The following TG variants were observed in gnomAD, a reference collection of about 807,000 sequenced individuals.
The protein encoded by TG is thyroglobulin, also known as thyroid hormones.
A neutral mutation model predicts 324.7 loss-of-function variants in TG; 270 were observed. The observed-to-expected ratio is 0.83, with a 90% CI of 0.75 to 0.92. The LOEUF is 0.92. TG is among the 40% of genes least tolerant of loss of function. The pLI, the probability that TG is intolerant of heterozygous loss-of-function variation, is 0.00. For missense variants in TG, 3,591 were observed against 3,456.4 expected (o/e 1.04, Z -0.98); for synonymous variants, 1,401 against 1,327.0 (o/e 1.06, Z -1.21).
At chr8:133,075,137 A>G in intron 41 of TG, 1 of 985,288 alleles carries the variant, frequency 1.0e-6, no homozygotes. Flanking sequence ...AGGACTGGGA[A>G]GATAGATGGG....
chr8:133,021,979 C>T lies in TG; in HGVS notation c.6877-12C>T, dbSNP rs1835608522. ...CCCACACTTTAGCCTCATGTTTCTC[C>T]AATACCCACAGGCCCCTAACGCGTC... is the stretch of plus-strand genomic sequence containing the variant. On this transcript the variant is annotated splice_polypyrimidine_tract_variant and intron_variant, in intron 39 of 47. Transcript: ENST00000220616. 1.2e-6 allele frequency: 2 copies of T among 1,614,012 alleles called. No homozygotes were observed. The highest frequency in any genetic ancestry group is 1.3e-5 in the African/African-American group (1 of 74,922).
chr8:132,942,914 CAGAG>C (rs1318888120), intron 26 of TG, among the ~76,000 whole-genome samples: 1 of 152,128 alleles, frequency 6.6e-6, no homozygotes, highest in Non-Finnish European at 1.5e-5. Context: ...GAGCTAGAGA[CAGAG>C]AGACCCCAGG....
intron 41 of TG, chr8:133,038,265 C>T: frequency 1.9e-6 from 1 of 518,006 alleles, no homozygotes; most frequent in South Asian, 2.1e-5. Context: ...TACATACATG[C>T]TGGGCTCTTC....
At chr8:133,042,345 T>C (rs969226929) in intron 41 of TG, among the ~76,000 whole-genome samples, 9 of 152,168 alleles carry the variant, frequency 5.9e-5, no homozygotes, top group African/African-American at 2.2e-4. Context: ...CAGCTCTATA[T>C]TGAAGGGTTC....
intron 41 of TG, among the ~76,000 whole-genome samples, chr8:133,062,353 C>T (rs1842484870): frequency 6.6e-6 from 1 of 152,240 alleles, no homozygotes; most frequent in African/African-American, 2.4e-5. Flanking sequence ...TGTCTCCATT[C>T]CTGAGCCTGG....
At chr8:133,073,676 A>C (rs59056866) in intron 41 of TG, among the ~76,000 whole-genome samples, 5,744 of 152,276 alleles carry the variant, frequency 0.038, 268 homozygotes, top group African/African-American at 0.11. Flanking sequence ...AGCAAACCAC[A>C]CAATGACAAT....
At chr8:133,012,624 A>G (rs1834620644) in intron 36 of TG, among the ~76,000 whole-genome samples, 1 of 152,232 alleles carries the variant, frequency 6.6e-6, no homozygotes, top group South Asian at 2.1e-4. Flanking sequence ...ATCAGATAAC[A>G]TTTATACCCT....
chr8:132,986,366 T>C (rs567102255), intron 35 of TG, among the ~76,000 whole-genome samples: 5 of 100,026 alleles, frequency 5.0e-5, no homozygotes, highest in East Asian at 2.0e-4. Context: ...TATGTGTATA[T>C]ATAGTATATA....
intron 35 of TG, among the ~76,000 whole-genome samples, chr8:133,005,628 A>G (rs1587740950): frequency 6.6e-6 from 1 of 152,326 alleles, no homozygotes; most frequent in East Asian, 1.9e-4. Context: ...GGCTCAGAGA[A>G]GGGGAGTGGC....
Position 132,897,645 on chromosome 8 carries a change from C to G in TG, c.3002-4C>G. 1 of 1,614,200 alleles carries G rather than the reference C, an allele frequency of 6.2e-7. No individual in the cohort carries two copies. Among genetic ancestry groups the G allele is most frequent in the Non-Finnish European group, 8.5e-7 (1 of 1,180,042 alleles). ...ATTCTGCTTTTCTCCTTCCCTGACT[C>G]CAGCCTTAAGCTTCTATCAGAGACG... On this transcript the variant is annotated splice_region_variant and splice_polypyrimidine_tract_variant and intron_variant, in intron 11 of 47. Transcript: ENST00000220616.
chr8:132,999,071 G>A (rs1833175990), intron 35 of TG, among the ~76,000 whole-genome samples: 1 of 152,140 alleles, frequency 6.6e-6, no homozygotes, highest in Non-Finnish European at 1.5e-5. Flanking sequence ...AGTGAAGGAG[G>A]GGACATTACA....
intron 41 of TG, among the ~76,000 whole-genome samples, chr8:133,040,985 C>T (rs1587842362): frequency 6.6e-6 from 1 of 152,232 alleles, no homozygotes; most frequent in South Asian, 2.1e-4. Context: ...TTTCCAGGCA[C>T]ATTACGATGT....
chr8:132,889,838 G>A (rs1815975885), intron 10 of TG, among the ~76,000 whole-genome samples: 1 of 152,156 alleles, frequency 6.6e-6, no homozygotes, highest in Non-Finnish European at 1.5e-5. Context: ...GTGCAATGGA[G>A]CGATCTCAGC....
rs1185859579 is a variant in TG at position 132,887,164 on chromosome 8, G to A, written c.1792G>A (p.Val598Met). ...AGATGTGGCAAGAGATTTAGGTGAT[G>A]TGATGGAAACGGTACTCAGCTCCCA... is the stretch of plus-strand genomic sequence containing the variant. ...PEDVARDLGD[V>M]METVLSSQTC... Residue 598 changes from valine to methionine, a missense_variant, in exon 9 of 48, where the codon GTG becomes ATG. By Grantham distance (21) the Val-to-Met change is conservative. Transcript: ENST00000220616. 1.9e-6 allele frequency: 3 copies of A among 1,614,100 alleles called. No homozygotes were observed. In the African/African-American group the frequency reaches 4.0e-5, roughly 22 times the overall value.
chr8:133,061,806 A>G (rs1271731121), intron 41 of TG, among the ~76,000 whole-genome samples: 3 of 152,170 alleles, frequency 2.0e-5, no homozygotes, highest in African/African-American at 7.2e-5. Flanking sequence ...CAGGTTCTGG[A>G]AAGAAGTACA....
intron 18 of TG, among the ~76,000 whole-genome samples, chr8:132,909,182 G>A (rs1819141766): frequency 6.6e-6 from 1 of 152,150 alleles, no homozygotes; most frequent in South Asian, 2.1e-4. Flanking sequence ...GGTAGGCTTT[G>A]AGGGGTTCAA....
chr8:133,001,958 G>T (rs1833553606), intron 35 of TG: 2 of 985,382 alleles, frequency 2.0e-6, no homozygotes, highest in Non-Finnish European at 2.4e-6. Context: ...TCTTGGTTTT[G>T]ATTGCGGGAA....
At chr8:132,952,185 G>C (rs1243679367) in intron 27 of TG, among the ~76,000 whole-genome samples, 1 of 152,158 alleles carries the variant, frequency 6.6e-6, no homozygotes, top group East Asian at 1.9e-4. Context: ...GAGGATGATG[G>C]TGGACTCTGA....
At chr8:132,985,151 TAAAATTCCAA>T in intron 35 of TG, among the ~76,000 whole-genome samples, 1 of 152,118 alleles carries the variant, frequency 6.6e-6, no homozygotes, top group East Asian at 1.9e-4. Flanking sequence ...AATCAGAAAA[TAAAATTCCAA>T]AAAATTCCAT....
Sources: gnomAD v4.1 joint callset for allele counts (sites outside exome capture counted in the v4.1 genomes callset) on GRCh38, gnomAD v4.1.1 for gene constraint, MANE v1.5 for transcripts, NCBI Gene and HGNC (gene_info 2026-07-23, HGNC 2026-07-21) for gene names.